Variants in GRID2 observed in about 807,000 individuals in gnomAD.
GRID2 encodes the protein glutamate ionotropic receptor delta type subunit 2, also known as glutamate receptor ionotropic, delta-2.
In GRID2, 33 loss-of-function variants were observed where a neutral mutation model predicts 114.8. The observed-to-expected ratio is 0.29, with a 90% CI of 0.22 to 0.38. The LOEUF is 0.38. Among genes scored for constraint, GRID2 ranks in the 10% least tolerant of loss-of-function variants. The pLI is 1.00. For missense variants in GRID2, 1,184 were observed against 1,257.7 expected (o/e 0.94, Z 0.89); for synonymous variants, 505 against 449.9 (o/e 1.12, Z -1.55).
chr4:92,980,478 TG>T, intron 2 of GRID2, among the ~76,000 whole-genome samples: 1 of 152,076 alleles, frequency 6.6e-6, no homozygotes, highest in African/African-American at 2.4e-5. Context: ...CTCTCTTTAT[TG>T]GAATTGAATT....
At chr4:92,916,849 T>G (rs1748843585) in intron 2 of GRID2, among the ~76,000 whole-genome samples, 1 of 152,206 alleles carries the variant, frequency 6.6e-6, no homozygotes, top group South Asian at 2.1e-4. Flanking sequence ...TATAGCAGCA[T>G]GATTTATAAT....
At chr4:92,479,161 G>A (rs1311517847) in intron 1 of GRID2, among the ~76,000 whole-genome samples, 2 of 152,044 alleles carry the variant, frequency 1.3e-5, no homozygotes, top group Admixed American at 6.6e-5. Flanking sequence ...ATAATGGTGG[G>A]AAATATTACA....
intron 8 of GRID2, among the ~76,000 whole-genome samples, chr4:93,378,507 AG>A (rs1471933958): frequency 1.3e-5 from 2 of 152,138 alleles, no homozygotes; most frequent in Non-Finnish European, 2.9e-5. Flanking sequence ...AATTTATTAC[AG>A]GAAATTATTG....
intron 4 of GRID2, among the ~76,000 whole-genome samples, chr4:93,157,863 G>A (rs7683744): frequency 0.56 from 84,718 of 151,456 alleles, 25,087 homozygotes; most frequent in African/African-American, 0.73. Context: ...CATATTATAC[G>A]TATCTTCTTT....
chr4:93,001,008 TAGC>T (rs543508974), intron 2 of GRID2, among the ~76,000 whole-genome samples: 2 of 151,574 alleles, frequency 1.3e-5, no homozygotes, highest in South Asian at 2.1e-4. Context: ...ATAAAATAAA[TAGC>T]AGTATTTCAT....
At chr4:92,547,504 G>A (rs771993351) in intron 1 of GRID2, among the ~76,000 whole-genome samples, 1 of 152,088 alleles carries the variant, frequency 6.6e-6, no homozygotes, top group Non-Finnish European at 1.5e-5. Context: ...CAAACAAAGG[G>A]AAGCTTAATT....
At chr4:93,448,242 A>C (rs1461803068) in intron 10 of GRID2, among the ~76,000 whole-genome samples, 2 of 151,974 alleles carry the variant, frequency 1.3e-5, no homozygotes, top group East Asian at 1.9e-4. Context: ...CAAAACGTTA[A>C]CTGGAAAAAA....
chr4:92,975,176 A>AAAAAAAAAAAAAAAAAAAC, intron 2 of GRID2, among the ~76,000 whole-genome samples: 1 of 150,042 alleles, frequency 6.7e-6, no homozygotes, highest in Non-Finnish European at 1.5e-5. Flanking sequence ...AAAAAAAAAA[A>AAAAAAAAAAAAAAAAAAAC]AGGTGTTGAT....
intron 2 of GRID2, among the ~76,000 whole-genome samples, chr4:92,615,393 A>G (rs1357001882): frequency 6.6e-6 from 1 of 151,572 alleles, no homozygotes; most frequent in Non-Finnish European, 1.5e-5. Flanking sequence ...TAGGGCTTCA[A>G]CATATAAATT....
intron 8 of GRID2, among the ~76,000 whole-genome samples, 172 bp from the exon 9 acceptor site, chr4:93,395,435 A>G (rs2149329756): frequency 6.6e-6 from 1 of 152,162 alleles, no homozygotes; most frequent in East Asian, 1.9e-4. Context: ...ATTTAAGAGC[A>G]AGAAATGGCA....
chr4:92,671,592 G>A (rs184321687), intron 2 of GRID2, among the ~76,000 whole-genome samples: 1 of 152,164 alleles, frequency 6.6e-6, no homozygotes, highest in East Asian at 1.9e-4. Flanking sequence ...TTTGACAGAG[G>A]ATTCAGGAGT....
intron 2 of GRID2, among the ~76,000 whole-genome samples, chr4:92,916,466 C>G (rs1442386702): frequency 1.3e-5 from 2 of 152,036 alleles, no homozygotes; most frequent in Non-Finnish European, 2.9e-5. Context: ...CCCATTAACT[C>G]GTCATTTAAC....
intron 1 of GRID2, among the ~76,000 whole-genome samples, chr4:92,470,323 T>C (rs1721973299): frequency 6.6e-6 from 1 of 151,612 alleles, no homozygotes; most frequent in Non-Finnish European, 1.5e-5. Context: ...GTAAAACATA[T>C]AATATTGGCA....
At chr4:93,072,683 TATAGCCTAGAAATATTTTTAA>T in intron 2 of GRID2, among the ~76,000 whole-genome samples, 1 of 152,044 alleles carries the variant, frequency 6.6e-6, no homozygotes, top group South Asian at 2.1e-4. Flanking sequence ...ATATGAATGG[TATAGCCTAGAAATATTTTTAA>T]ACAATAAGAA....
chr4:93,455,647 C>T lies in GRID2; in HGVS notation c.1546-15C>T, dbSNP rs201028053. On this transcript the variant is annotated splice_polypyrimidine_tract_variant and intron_variant, in intron 10 of 15. Coordinates refer to ENST00000282020, the MANE Select transcript of GRID2 (RefSeq NM_001510.4). ...TCACACTGTTAATGTATTCCTTTCT[C>T]TTTCAATTTCTCAGAGAGCCGACAT... 3 of 1,582,710 alleles carry T rather than the reference C, an allele frequency of 1.9e-6. No homozygotes were observed. Among genetic ancestry groups the T allele is most frequent in the South Asian group, 1.1e-5 (1 of 90,358 alleles).
At chr4:92,681,554 G>C (rs1433769190) in intron 2 of GRID2, among the ~76,000 whole-genome samples, 1 of 152,076 alleles carries the variant, frequency 6.6e-6, no homozygotes, top group Admixed American at 6.5e-5. Context: ...GTGGGGAGAA[G>C]GGGGAGGGAT....
intron 5 of GRID2, among the ~76,000 whole-genome samples, chr4:93,212,415 T>A (rs903757360): frequency 6.6e-6 from 1 of 152,182 alleles, no homozygotes; most frequent in Non-Finnish European, 1.5e-5. Context: ...TAATCAATCA[T>A]ATGTTAGTAC....
chr4:93,304,287 C>T (rs1332000588), intron 8 of GRID2, among the ~76,000 whole-genome samples: 1 of 148,148 alleles, frequency 6.8e-6, no homozygotes, highest in African/African-American at 2.5e-5. Flanking sequence ...TATAAGAGAA[C>T]CCACTGTTAT....
intron 13 of GRID2, among the ~76,000 whole-genome samples, chr4:93,586,537 C>A (rs184864031): frequency 6.6e-6 from 1 of 152,212 alleles, no homozygotes; most frequent in Non-Finnish European, 1.5e-5. Flanking sequence ...AAACACTATT[C>A]TAGACACTTG....
Sources: allele counts gnomAD v4.1 joint callset (sites outside exome capture counted in the v4.1 genomes callset), GRCh38; gene constraint gnomAD v4.1.1; transcripts MANE v1.5; gene names NCBI Gene and HGNC (gene_info 2026-07-23, HGNC 2026-07-21).